ATP2B2: variants seen among roughly 807,000 people sequenced by gnomAD.
ATP2B2 encodes plasma membrane calcium-transporting ATPase 2.
In ATP2B2, 15 loss-of-function variants were observed where a neutral mutation model predicts 120.0. That is an observed-to-expected ratio of 0.12 (90% CI 0.08 to 0.19). ATP2B2 has a LOEUF of 0.19. ATP2B2 is among the 10% of genes least tolerant of loss of function. The probability of loss-of-function intolerance (pLI) is 1.00; values close to 1 mark genes in which losing one functional copy is unlikely to be tolerated. For missense variants in ATP2B2, 1,045 were observed against 1,719.8 expected, an observed-to-expected ratio of 0.61 and a Z score of 6.94; for synonymous variants, 694 against 700.3, an observed-to-expected ratio of 0.99 and a Z score of 0.14.
In ATP2B2 at chr3:10,520,672, T is replaced by C. The variant is rs972300499; in HGVS notation, c.-320+13367A>G. On this transcript the variant is annotated intron_variant, in intron 3 of 21. Transcript: ENST00000646379. ...TTTAGCTGGGGTTTCGCCAGGTTGG[T>C]CTTGAACTCCTAATCTCAAGTGATC... Among the ~76,000 whole-genome samples, 6 of 151,208 alleles carry C rather than the reference T, an allele frequency of 4.0e-5. No homozygotes were observed. The South Asian group carries it at 1.3e-3, about 32-fold the overall frequency.
chr3:10,412,732 C>A (rs1330960680), intron 2 of ATP2B2, among the ~76,000 whole-genome samples: 1 of 152,194 alleles, frequency 6.6e-6, no homozygotes, highest in Non-Finnish European at 1.5e-5. Context: ...TCCCTCAGGG[C>A]CTGGCACCTG....
chr3:10,533,581 A>G (rs1575468159), intron 3 of ATP2B2, among the ~76,000 whole-genome samples: 2 of 152,302 alleles, frequency 1.3e-5, no homozygotes, highest in South Asian at 4.1e-4. Context: ...CAGTAAGCCC[A>G]CCTGACTACC....
chr3:10,353,493 G>C (rs778231362), intron 14 of ATP2B2, among the ~76,000 whole-genome samples: 1 of 152,216 alleles, frequency 6.6e-6, no homozygotes, highest in African/African-American at 2.4e-5. Flanking sequence ...GGGCCTGAGG[G>C]CCACGCTGCA....
At chr3:10,510,933 A>G (rs1327113688) in intron 3 of ATP2B2, among the ~76,000 whole-genome samples, 1 of 151,348 alleles carries the variant, frequency 6.6e-6, no homozygotes, top group Non-Finnish European at 1.5e-5. Flanking sequence ...GCCATTTCCT[A>G]ACTCCCTGCA....
chr3:10,704,158 G>A (rs960200115), intron 1 of ATP2B2, among the ~76,000 whole-genome samples: 3 of 152,208 alleles, frequency 2.0e-5, no homozygotes, highest in South Asian at 4.1e-4. Context: ...ATTCTTTTTA[G>A]AGGCCATCAT....
rs145720436 is a variant in ATP2B2 at position 10,583,831 on chromosome 3, AGTGTCTTGTCAT to A, written c.-415+36074_-415+36085del. On this transcript the variant is annotated intron_variant, in intron 2 of 21. Transcript: ENST00000646379. ...GGGGCCAATACAAATGCAAAAGCTC[AGTGTCTTGTCAT>A]GGGGCTGGGAGAGAGTTACATGGGA... Among the ~76,000 whole-genome samples, 701 of 152,318 alleles carry A rather than the reference AGTGTCTTGTCAT, an allele frequency of 4.6e-3. 6 individuals are homozygous for A. Among genetic ancestry groups the A allele is most frequent in the African/African-American group, 0.015 (641 of 41,556 alleles).
intron 2 of ATP2B2, among the ~76,000 whole-genome samples, chr3:10,594,907 T>C (rs2068729623): frequency 6.6e-6 from 1 of 151,966 alleles, no homozygotes. Flanking sequence ...CACCAGCTGG[T>C]TAGAGGTTTT....
In ATP2B2 at chr3:10,350,475, T is replaced by G; in HGVS notation, c.2239A>C (p.Ile747Leu). 6.2e-7 allele frequency: 1 copy of G among 1,614,230 alleles called. No individual in the cohort carries two copies. The highest frequency in any genetic ancestry group is 1.1e-5 in the South Asian group (1 of 91,088). The change falls in exon 15 of 23, where the codon ATC becomes CTC. Residue 747 changes from isoleucine (I) to leucine (L), a missense_variant. Around this residue, in one of 11 missense-constraint regions of ATP2B2, gnomAD observed 343 missense variants for 536.8 expected, o/e 0.64. Transcript: ENST00000360273. Reference sequence around the variant, plus strand: ...AGAAAGTCCTCCCCAGGATGGATGATGCCACACTTGATGGCGATGGCCCGA... The same window carrying G: ...AGAAAGTCCTCCCCAGGATGGATGAGGCCACACTTGATGGCGATGGCCCGA... ...TARAIAIKCG[I>L]IHPGEDFLCL...
intron 2 of ATP2B2, among the ~76,000 whole-genome samples, chr3:10,414,717 G>C (rs561447483): frequency 3.9e-4 from 60 of 152,292 alleles, no homozygotes; most frequent in African/African-American, 1.4e-3. Flanking sequence ...TATGGATTGG[G>C]ACAGGGCGAT....
At chr3:10,691,631 C>T (rs2071665444) in intron 1 of ATP2B2, among the ~76,000 whole-genome samples, 1 of 152,230 alleles carries the variant, frequency 6.6e-6, no homozygotes, top group Non-Finnish European at 1.5e-5. Flanking sequence ...AGGAGAAATG[C>T]TCTGGCTTAT....
intron 1 of ATP2B2, among the ~76,000 whole-genome samples, chr3:10,704,820 G>C (rs532896322): frequency 6.6e-6 from 1 of 152,308 alleles, no homozygotes; most frequent in South Asian, 2.1e-4. Context: ...CTCTGCAACA[G>C]ATTTATATGA....
intron 1 of ATP2B2, among the ~76,000 whole-genome samples, chr3:10,700,040 GA>G (rs1432732815): frequency 1.3e-5 from 2 of 152,124 alleles, no homozygotes; most frequent in Non-Finnish European, 1.5e-5. Flanking sequence ...TTTGAAAAGA[GA>G]AAAAATACAT....
chr3:10,638,411 T>C (rs891370202), intron 1 of ATP2B2, among the ~76,000 whole-genome samples: 1 of 152,142 alleles, frequency 6.6e-6, no homozygotes, highest in African/African-American at 2.4e-5. Context: ...TGAAGTGGTA[T>C]AATATTACTT....
At chr3:10,560,611 G>A (rs2067880852) in intron 2 of ATP2B2, among the ~76,000 whole-genome samples, 1 of 152,112 alleles carries the variant, frequency 6.6e-6, no homozygotes, top group Non-Finnish European at 1.5e-5. Context: ...AAATCCTGTA[G>A]ATTCTATATC....
intron 2 of ATP2B2, among the ~76,000 whole-genome samples, chr3:10,604,702 A>G (rs916880885): frequency 2.0e-5 from 3 of 152,218 alleles, no homozygotes; most frequent in Non-Finnish European, 4.4e-5. Context: ...AACTTGGAAG[A>G]CCAGGTAACA....
chr3:10,691,792 A>C (rs1216965142), intron 1 of ATP2B2, among the ~76,000 whole-genome samples: 2 of 152,210 alleles, frequency 1.3e-5, no homozygotes, highest in Non-Finnish European at 2.9e-5. Flanking sequence ...GGAGGTGCTC[A>C]GGGAAAAGTA....
At chr3:10,577,243 A>G (rs1447084663) in intron 2 of ATP2B2, among the ~76,000 whole-genome samples, 4 of 152,258 alleles carry the variant, frequency 2.6e-5, no homozygotes, top group African/African-American at 9.6e-5. Flanking sequence ...CTAGGCTGGG[A>G]GGCCAACAGG....
intron 1 of ATP2B2, among the ~76,000 whole-genome samples, chr3:10,460,138 G>A (rs1233662123): frequency 2.0e-5 from 3 of 152,218 alleles, no homozygotes; most frequent in African/African-American, 7.2e-5. Context: ...ATGGATGGAC[G>A]GAGGTCAGTG....
rs547795105 is a variant in ATP2B2, at chr3:10,463,742, C to T, written c.-319-13880G>A. 5.3e-5 allele frequency among the ~76,000 whole-genome samples: 8 copies of T among 152,320 alleles called. No homozygotes were observed. The South Asian group carries it at 8.3e-4, about 16-fold the overall frequency. ...GTCCTCTGGGCTACTCTGGCCAGGC[C>T]GGTGTCTTCTGCCACACCCAGTGCT... On this transcript the variant is annotated intron_variant, in intron 1 of 22. Transcript: ENST00000360273.
Sources: allele counts gnomAD v4.1 joint callset (sites outside exome capture counted in the v4.1 genomes callset), GRCh38; gene constraint gnomAD v4.1.1; regional missense constraint gnomAD v4.1.1; transcripts MANE v1.5; gene names NCBI Gene and HGNC (gene_info 2026-07-23, HGNC 2026-07-21).